BLM: variants seen among roughly 807,000 people sequenced by gnomAD.
BLM encodes the protein recQ-like DNA helicase BLM.
Under a neutral mutation model 135.3 loss-of-function variants are expected in BLM, and 95 were observed. The ratio of observed to expected loss-of-function variants is 0.70; its 90% CI spans 0.59 to 0.83. The LOEUF (loss-of-function observed/expected upper bound fraction) is 0.83, where lower values mean the gene tolerates loss of function less well. Ranked by LOEUF, BLM falls within the 40% of genes least tolerant of loss-of-function variation. BLM has a pLI of 0.00. For missense variants in BLM, 1,518 were observed against 1,663.9 expected (o/e 0.91, Z 1.53); for synonymous variants, 520 against 589.2 (o/e 0.88, Z 1.70).
chr15:90,793,158 G>A (rs900330229), intron 15 of BLM, among the ~76,000 whole-genome samples: 3 of 147,830 alleles, frequency 2.0e-5, no homozygotes, highest in African/African-American at 7.5e-5. Flanking sequence ...TTTTTGAGAC[G>A]GAGTTGCGCT....
intron 5 of BLM, among the ~76,000 whole-genome samples, chr15:90,759,353 G>A (rs1440431168): frequency 1.3e-5 from 2 of 151,400 alleles, no homozygotes; most frequent in Non-Finnish European, 1.5e-5. Flanking sequence ...CTTGAGCCCA[G>A]GAGTTTGAGA....
chr15:90,782,381 C>G (rs1283349137), intron 12 of BLM, among the ~76,000 whole-genome samples: 1 of 151,984 alleles, frequency 6.6e-6, no homozygotes, highest in Non-Finnish European at 1.5e-5. Flanking sequence ...GAGTGAGACT[C>G]TGTCTCAAAA....
At chr15:90,803,389 A>T in intron 17 of BLM, 132 bp from the exon 18 acceptor site, 1 of 649,596 alleles carries the variant, frequency 1.5e-6, no homozygotes, top group Non-Finnish European at 2.6e-6. Context: ...AACAGAAATG[A>T]GTGTCTGTGC....
In BLM at chr15:90,804,942, T is replaced by C. The variant is rs565683012; in HGVS notation, c.3751+583T>C. On this transcript the variant is annotated intron_variant, in intron 19 of 21. Coordinates refer to ENST00000355112, the MANE Select transcript of BLM (RefSeq NM_000057.4). The stretch of plus-strand genomic sequence containing the variant: ...ACCTCCGCCTCCCAGGTTCAAGCGA[T>C]TCTTCTGCCTCAGCCTCCCAAGTAG... Among the ~76,000 whole-genome samples, 174 of 152,270 alleles carry C rather than the reference T, an allele frequency of 1.1e-3. 1 individual carries two copies. The highest frequency in any genetic ancestry group is 1.4e-3 in the Non-Finnish European group (96 of 68,020).
At chr15:90,787,091 C>G (rs1256781093) in intron 14 of BLM, among the ~76,000 whole-genome samples, 3 of 131,226 alleles carry the variant, frequency 2.3e-5, no homozygotes, top group African/African-American at 9.2e-5. Context: ...ACTCTGTCGC[C>G]CAGGCTGGAG....
At position 90,769,141 on chromosome 15, in the gene BLM, A is replaced by G. The variant is rs752835659; in HGVS notation, c.2316A>G (p.Ala772=). ...ATGTATTTCTGGCCTAGATCTGTGCAAGTAACAGACTCATTTCTACTCTGG... is the reference window on the plus strand; with the variant it reads ...ATGTATTTCTGGCCTAGATCTGTGCGAGTAACAGACTCATTTCTACTCTGG... The part of the protein sequence containing the change: ...LLYVTPEKIC[A]SNRLISTLEN... Residue 772 remains alanine, a synonymous_variant, in exon 11 of 22, where the codon GCA becomes GCG. Coordinates refer to ENST00000355112, the MANE Select transcript of BLM (RefSeq NM_000057.4). The G allele has an allele frequency of 1.2e-6, 2 of 1,610,642 alleles. No individual in the cohort carries two copies. Among genetic ancestry groups the G allele is most frequent in the East Asian group, 2.2e-5 (1 of 44,870 alleles).
intron 13 of BLM, 41 bp downstream of exon 13, chr15:90,782,969 T>C (rs1223554192): frequency 6.8e-7 from 1 of 1,480,990 alleles, no homozygotes; most frequent in African/African-American, 1.4e-5. Context: ...AAGTAACAAA[T>C]GTCTTTTTAG....
chr15:90,763,226 A>G (rs1896034962), intron 8 of BLM, 69 bp downstream of exon 8: 2 of 1,511,858 alleles, frequency 1.3e-6, no homozygotes, highest in Non-Finnish European at 1.8e-6. Flanking sequence ...CTTTAATAGA[A>G]ATAAAAAGAC....
chr15:90,776,716 T>A (rs1459480791), intron 12 of BLM, among the ~76,000 whole-genome samples: 1 of 152,144 alleles, frequency 6.6e-6, no homozygotes, highest in Non-Finnish European at 1.5e-5. Flanking sequence ...TGTGTTGTTT[T>A]TTTCGTAGAG....
intron 12 of BLM, among the ~76,000 whole-genome samples, chr15:90,777,494 G>A (rs1896510957): frequency 6.6e-6 from 1 of 152,092 alleles, no homozygotes; most frequent in Non-Finnish European, 1.5e-5. Context: ...CACATCCCAT[G>A]ACAACTATTG....
chr15:90,784,065 A>T (rs1896680918), intron 13 of BLM, among the ~76,000 whole-genome samples: 1 of 152,008 alleles, frequency 6.6e-6, no homozygotes, highest in African/African-American at 2.4e-5. Flanking sequence ...TATCATGAGC[A>T]TTTTCCCATG....
rs557057587 is a variant in BLM, at chr15:90,815,245, G to A, written c.4220G>A (p.Arg1407Lys). The change falls in exon 22 of 22, where the codon AGA (arginine) becomes AAA (lysine). Residue 1407 changes from arginine to lysine, a missense_variant. Around this residue, in one of 5 missense-constraint regions of BLM, gnomAD observed 153 missense variants for 173.4 expected, o/e 0.88. Transcript: ENST00000355112. The surrounding 1 kb of genome is among the most constrained non-coding windows in gnomAD (Gnocchi z 4.6). Reference sequence around the variant, plus strand: ...ATGGCTCCACCGAAGCCTATAAATAGACCGTTTCTTAAGCCTTCATATGCA... The same window carrying A: ...ATGGCTCCACCGAAGCCTATAAATAAACCGTTTCTTAAGCCTTCATATGCA... ...GIMAPPKPINRPFLKPSYAFS is the reference protein window; with the variant it reads ...GIMAPPKPINKPFLKPSYAFS 3.5e-5 allele frequency: 56 copies of A among 1,614,058 alleles called. No individual in the cohort carries two copies. The Admixed American group carries it at 7.3e-4, about 21-fold the overall frequency.
chr15:90,760,106 T>TTCCC (rs1567040413), intron 5 of BLM, 41 bp from the exon 6 acceptor site: 10 of 1,584,176 alleles, frequency 6.3e-6, no homozygotes, highest in Non-Finnish European at 7.8e-6. Context: ...TTTTTTTTTT[T>TTCCC]TCCCTCAAAG....
chr15:90,785,998 C>CTTTTTTTTTTTTTTTT (rs869185558), intron 14 of BLM, among the ~76,000 whole-genome samples: 7 of 110,720 alleles, frequency 6.3e-5, no homozygotes, highest in Non-Finnish European at 9.7e-5. Context: ...TCGTTTCTTT[C>CTTTTTTTTTTTTTTTT]TTTTTTTTTT....
chr15:90,744,176 G>A (rs1397191888), intron 1 of BLM, among the ~76,000 whole-genome samples: 5 of 152,142 alleles, frequency 3.3e-5, no homozygotes, highest in Non-Finnish European at 2.9e-5. Context: ...GTTCTGCTTA[G>A]TGTCATTAAG....
In BLM at chr15:90,798,152, C is replaced by G. The variant is rs757841133; in HGVS notation, c.3211-38C>G. 4 of 1,554,302 alleles carry G rather than the reference C, an allele frequency of 2.6e-6. No homozygotes were observed. The Admixed American group carries it at 6.8e-5, about 27-fold the overall frequency. On this transcript the variant is annotated intron_variant, in intron 16 of 21. Coordinates refer to ENST00000355112, the MANE Select transcript of BLM (RefSeq NM_000057.4). ...ACCCTAGTAATCTAGGCATTGTTAC[C>G]TTAATTATAGCAGAAAGTATTCTCT... is the stretch of plus-strand genomic sequence containing the variant.
intron 19 of BLM, among the ~76,000 whole-genome samples, chr15:90,805,756 C>A (rs1327299418): frequency 2.0e-5 from 3 of 151,868 alleles, no homozygotes; most frequent in Non-Finnish European, 4.4e-5. Context: ...GTCTCGAACT[C>A]CTGACCTCAG....
chr15:90,765,028 C>A (rs1329310750), intron 8 of BLM, among the ~76,000 whole-genome samples: 1 of 152,082 alleles, frequency 6.6e-6, no homozygotes, highest in Non-Finnish European at 1.5e-5. Context: ...CAGATGGCAC[C>A]ACTGCACTCC....
At chr15:90,719,148 C>G (rs749400165) in intron 1 of BLM, among the ~76,000 whole-genome samples, 1 of 152,086 alleles carries the variant, frequency 6.6e-6, no homozygotes, top group African/African-American at 2.4e-5. Context: ...CCCACCACCA[C>G]GCCCAGCTAA....
Sources: gnomAD v4.1 joint callset for allele counts (sites outside exome capture counted in the v4.1 genomes callset) on GRCh38, gnomAD v4.1.1 for gene constraint, gnomAD v4.1.1 regional missense constraint, Gnocchi (gnomAD v3.1) non-coding constraint, MANE v1.5 for transcripts, NCBI Gene and HGNC (gene_info 2026-07-23, HGNC 2026-07-21) for gene names.